Variants in INTS11 observed in about 807,000 individuals in gnomAD.
The protein encoded by INTS11 is integrator complex subunit 11.
A neutral mutation model predicts 78.6 loss-of-function variants in INTS11; 77 were observed. That is an observed-to-expected ratio of 0.98 (90% confidence interval 0.81 to 1.18). The LOEUF is 1.18. Among genes scored for constraint, INTS11 ranks in the 50% most tolerant of loss-of-function variants. The probability of loss-of-function intolerance (pLI) is 0.00; values close to 1 mark genes in which losing one functional copy is unlikely to be tolerated. For missense variants in INTS11, 875 were observed against 825.9 expected, an observed-to-expected ratio of 1.06 and a Z score of -0.73; for synonymous variants, 441 against 326.9, an observed-to-expected ratio of 1.35 and a Z score of -3.77.
intron 4 of INTS11, chr1:1,317,054 C>T (rs1300204457): frequency 6.6e-6 from 1 of 151,036 alleles, no homozygotes; most frequent in Non-Finnish European, 1.5e-5. Flanking sequence ...TCCCAAATAG[C>T]TGGGACTATA....
Position 1,312,280 on chromosome 1 carries a change from T to C in INTS11, c.1553A>G (p.His518Arg), listed in dbSNP as rs747804290. The C allele has an allele frequency of 4.5e-6, 7 of 1,549,806 alleles. No individual in the cohort carries two copies. In the South Asian group the frequency reaches 5.9e-5, roughly 13 times the overall value. The change falls in exon 15 of 17, where the codon CAT (histidine) becomes CGT (arginine). Residue 518 changes from histidine to arginine, a missense_variant. Coordinates refer to ENST00000435064, the MANE Select transcript of INTS11 (RefSeq NM_017871.6). ...CGTCTCCTGCTCCTTGCGTGTGTCA[T>C]GCAGGTGCACGCGGCAGGTGAAGCG... ...QLRFTCRVHL[H>R]DTRKEQETAL...
At chr1:1,317,369 T>C (rs1431673501) in intron 4 of INTS11, 2 of 548,128 alleles carry the variant, frequency 3.6e-6, no homozygotes, top group African/African-American at 4.2e-5. Context: ...CACTACAGCC[T>C]GGGCAATGAG....
chr1:1,317,754 T>A (rs1033368803), intron 4 of INTS11: 4 of 152,166 alleles, frequency 2.6e-5, no homozygotes, highest in African/African-American at 4.8e-5. Context: ...GACAGAACGT[T>A]GTTTGCAAAG....
intron 6 of INTS11, 85 bp from the exon 7 acceptor site, chr1:1,315,047 C>A: frequency 6.6e-7 from 1 of 1,519,900 alleles, no homozygotes; most frequent in Non-Finnish European, 9.0e-7. Context: ...ACCCCAGTAC[C>A]ACGCCCAGCC....
intron 4 of INTS11, 28 bp from the exon 5 acceptor site, chr1:1,315,646 T>G: frequency 6.4e-7 from 1 of 1,554,672 alleles, no homozygotes; most frequent in South Asian, 1.1e-5. Flanking sequence ...GCGCTCAGGC[T>G]GTGTCCTCAC....
intron 1 of INTS11, chr1:1,323,261 G>C: frequency 6.4e-7 from 1 of 1,550,394 alleles, no homozygotes; most frequent in Non-Finnish European, 8.7e-7. Flanking sequence ...GGAAGGACCA[G>C]GTTCCAGGAC....
intron 2 of INTS11, 182 bp downstream of exon 2, chr1:1,320,814 G>A (rs980036685): frequency 5.4e-6 from 4 of 736,012 alleles, no homozygotes; most frequent in South Asian, 2.9e-5. Context: ...CCAGCACAGG[G>A]GGACCCCACC....
rs997832305 is a variant in INTS11, at chr1:1,314,046, C to G, written c.768-125G>C. On this transcript the variant is annotated intron_variant, in intron 8 of 16. Coordinates refer to ENST00000435064, the MANE Select transcript of INTS11 (RefSeq NM_017871.6). This position sits in a 1 kb window ranked among gnomAD's most constrained non-coding sequence, Gnocchi z 4.2. ...ACGCACGGGCCAGGTTGAGTCCAGT[C>G]GCGACCACTTGTCCCATTAAGCCCT... 2.2e-5 allele frequency: 22 copies of G among 991,138 alleles called. No individual in the cohort carries two copies. The highest frequency in any genetic ancestry group is 1.9e-4 in the African/African-American group (12 of 61,994). The allele number at this position is 991,138 out of a possible 1,614,324, so 61.4% of individuals were successfully genotyped here. A position where few individuals can be genotyped will look rare whatever the true frequency, so the allele number is the denominator to read the frequency against.
intron 1 of INTS11, chr1:1,323,013 T>C: frequency 1.4e-6 from 2 of 1,387,142 alleles, no homozygotes; most frequent in South Asian, 1.7e-5. Context: ...AGAGGCCAAA[T>C]GGGAAAGGGG....
In INTS11 at chr1:1,312,271, CGT is replaced by C. The variant is rs750300935; in HGVS notation, c.1560_1561del (p.Arg521GlnfsTer44). 33 of 1,549,234 alleles carry C rather than the reference CGT, an allele frequency of 2.1e-5. No individual in the cohort carries two copies. Among genetic ancestry groups the C allele is most frequent in the Non-Finnish European group, 1.5e-5 (17 of 1,146,694 alleles). The stretch of plus-strand genomic sequence containing the variant: ...GCGCAATGCCGTCTCCTGCTCCTTG[CGT>C]GTGTCATGCAGGTGCACGCGGCAGG... On this transcript the variant is annotated frameshift_variant, in exon 15 of 17. Transcript: ENST00000435064. LOFTEE classifies it high-confidence loss of function.
chr1:1,324,616 G>T lies in INTS11; in HGVS notation c.-8C>A, dbSNP rs751056673. The T allele has an allele frequency of 3.1e-6, 5 of 1,599,066 alleles. No homozygotes were observed. The highest frequency in any genetic ancestry group is 3.4e-6 in the Non-Finnish European group (4 of 1,174,614). Reference sequence around the variant, plus strand: ...GACTCTGATCTCAGGCATCGTCTCCGCCGCGCTCCCGGACCCGCGAGGCCC... The same window carrying T: ...GACTCTGATCTCAGGCATCGTCTCCTCCGCGCTCCCGGACCCGCGAGGCCC... On this transcript the variant is annotated 5_prime_UTR_variant, in exon 1 of 17. Coordinates refer to ENST00000435064, the MANE Select transcript of INTS11 (RefSeq NM_017871.6).
chr1:1,321,897 A>AAACCC, intron 1 of INTS11: 4 of 1,258,204 alleles, frequency 3.2e-6, no homozygotes, highest in Non-Finnish European at 4.2e-6. Flanking sequence ...TTCCCCTTGA[A>AAACCC]TCCCACCCAC....
intron 15 of INTS11, 23 bp downstream of exon 15, chr1:1,312,203 G>GGGGGC (rs1642232826): frequency 3.3e-6 from 4 of 1,196,352 alleles, no homozygotes; most frequent in Non-Finnish European, 3.5e-6. Flanking sequence ...GGGAGTGGGG[G>GGGGGC]GGGGGCGGGG....
In INTS11 at chr1:1,311,763, G is replaced by C. The variant is rs567215304; in HGVS notation, c.*96C>G. 7.9e-6 allele frequency: 10 copies of C among 1,266,370 alleles called. No individual in the cohort carries two copies. The highest frequency in any genetic ancestry group is 2.1e-4 in the Middle Eastern group (1 of 4,860). The allele number at this position is 1,266,370 out of a possible 1,614,324, so 78.4% of individuals were successfully genotyped here. ...TGTCCCCAGGGATGGGACCTGCAGG[G>C]TCTGTTCACCCAGGGCACCCACAGT... is the stretch of plus-strand genomic sequence containing the variant. On this transcript the variant is annotated 3_prime_UTR_variant, in exon 17 of 17. Transcript: ENST00000435064.
intron 3 of INTS11, 183 bp from the exon 4 acceptor site, chr1:1,319,707 T>C (rs1642833488): frequency 6.9e-6 from 4 of 580,238 alleles, no homozygotes; most frequent in Non-Finnish European, 1.2e-5. Flanking sequence ...TCTCAAAGTC[T>C]AGCAAGGCAA....
chr1:1,314,196 G>T lies in INTS11; in HGVS notation c.767+105C>A. 8.9e-7 allele frequency: 1 copy of T among 1,118,462 alleles called. No individual in the cohort carries two copies. The highest frequency in any genetic ancestry group is 1.3e-6 in the Non-Finnish European group (1 of 754,182). 69.3% of individuals were successfully genotyped at this position (1,118,462 alleles called of 1,614,324 possible). On this transcript the variant is annotated intron_variant, in intron 8 of 16. Coordinates refer to ENST00000435064, the MANE Select transcript of INTS11 (RefSeq NM_017871.6). The surrounding 1 kb of genome is among the most constrained non-coding windows in gnomAD (Gnocchi z 4.2). Reference sequence around the variant, plus strand: ...GAGCGGCCCCCCAGGACAGCAGCAAGCAGGGCCAAGATGCCACCGCTACGC... The same window carrying T: ...GAGCGGCCCCCCAGGACAGCAGCAATCAGGGCCAAGATGCCACCGCTACGC...
chr1:1,314,847 C>T lies in INTS11; in HGVS notation c.679G>A (p.Glu227Lys). 2 of 1,612,726 alleles carry T rather than the reference C, an allele frequency of 1.2e-6. No homozygotes were observed. The highest frequency in any genetic ancestry group is 1.7e-6 in the Non-Finnish European group (2 of 1,179,778). ...RERDFLKKVH[E>K]TVERGGKVLI... ...ACCTTCCCACCACGCTCCACGGTCTCGTGGACTTTCTTCAGGAAGTCTCGC... is the reference window on the plus strand; with the variant it reads ...ACCTTCCCACCACGCTCCACGGTCTTGTGGACTTTCTTCAGGAAGTCTCGC... Residue 227 changes from glutamate (E) to lysine (K), a missense_variant, in exon 7 of 17, where the codon GAG becomes AAG. Transcript: ENST00000435064. The surrounding 1 kb of genome is among the most constrained non-coding windows in gnomAD (Gnocchi z 4.2).
chr1:1,311,832 A>G lies in INTS11; in HGVS notation c.*27T>C. 1 of 1,536,112 alleles carries G rather than the reference A, an allele frequency of 6.5e-7. No homozygotes were observed. Among genetic ancestry groups the G allele is most frequent in the Non-Finnish European group, 8.8e-7 (1 of 1,141,224 alleles). On this transcript the variant is annotated 3_prime_UTR_variant, in exon 17 of 17. Coordinates refer to ENST00000435064, the MANE Select transcript of INTS11 (RefSeq NM_017871.6). ...GGTCTGTCCAGCTGGGAGAGGGCAG[A>G]GGTGGCGGCTGGGTGAGTTGCCGGC...
intron 12 of INTS11, 29 bp downstream of exon 12, chr1:1,312,758 G>A: frequency 6.3e-7 from 1 of 1,597,728 alleles, no homozygotes; most frequent in African/African-American, 1.3e-5. Context: ...ACCCGAGGTG[G>A]GCCCCACGCC....
Sources: gnomAD v4.1 joint callset for allele counts on GRCh38, gnomAD v4.1.1 for gene constraint, Gnocchi (gnomAD v3.1) non-coding constraint, MANE v1.5 for transcripts, NCBI Gene and HGNC (gene_info 2026-07-23, HGNC 2026-07-21) for gene names.